The following OR2Z1 variants were observed in gnomAD, a reference collection of about 807,000 sequenced individuals.
The protein encoded by OR2Z1 is olfactory receptor 2Z1.
For missense variants in OR2Z1, 449 were observed against 401.8 expected (o/e 1.12, Z -1.00); for synonymous variants, 188 against 160.6 (o/e 1.17, Z -1.29).
chr19:8,725,363 C>T (rs1447162657), intron 2 of OR2Z1, among the ~76,000 whole-genome samples: 2 of 152,192 alleles, frequency 1.3e-5, no homozygotes, highest in Non-Finnish European at 2.9e-5. Context: ...CTGCCTCAGC[C>T]TTCTGAGTAG....
intron 2 of OR2Z1, among the ~76,000 whole-genome samples, chr19:8,723,771 G>A (rs2043315964): frequency 6.6e-6 from 1 of 152,154 alleles, no homozygotes; most frequent in African/African-American, 2.4e-5. Flanking sequence ...GTCCTGCAGA[G>A]TTGTTGGTGC....
At chr19:8,728,947 T>C in intron 2 of OR2Z1, 2 of 678,708 alleles carry the variant, frequency 2.9e-6, no homozygotes, top group Non-Finnish European at 5.4e-6. Context: ...ATCTTCTTGA[T>C]GGTGGACTCA....
chr19:8,723,449 C>T (rs926202159), intron 2 of OR2Z1, among the ~76,000 whole-genome samples: 10 of 152,132 alleles, frequency 6.6e-5, no homozygotes, highest in African/African-American at 2.4e-4. Context: ...GCTCATCAGA[C>T]TATGCTGAAA....
intron 2 of OR2Z1, chr19:8,729,089 T>C: frequency 9.0e-7 from 1 of 1,110,190 alleles, no homozygotes; most frequent in Non-Finnish European, 1.3e-6. Context: ...ACATGTGGGA[T>C]CTTTTTTTTA....
intron 1 of OR2Z1, among the ~76,000 whole-genome samples, chr19:8,722,808 C>T (rs1275293369): frequency 6.6e-6 from 1 of 152,012 alleles, no homozygotes; most frequent in Non-Finnish European, 1.5e-5. Flanking sequence ...ATTAAGGGAC[C>T]AGCCTGGGAA....
intron 2 of OR2Z1, among the ~76,000 whole-genome samples, chr19:8,725,308 T>C (rs1333911800): frequency 2.0e-5 from 3 of 152,206 alleles, no homozygotes; most frequent in Non-Finnish European, 4.4e-5. Flanking sequence ...AGTGGAATGA[T>C]CTCGGCTCAC....
chr19:8,722,296 T>C (rs1391906763), intron 1 of OR2Z1, among the ~76,000 whole-genome samples: 3 of 151,536 alleles, frequency 2.0e-5, no homozygotes, highest in African/African-American at 4.8e-5. Context: ...ATTTAATAAA[T>C]AATATAAGTG....
Position 8,731,806 on chromosome 19 carries a change from A to T in OR2Z1, c.778A>T (p.Met260Leu), listed in dbSNP as rs61746161. 6.2e-7 allele frequency: 1 copy of T among 1,614,034 alleles called. No individual in the cohort carries two copies. The highest frequency in any genetic ancestry group is 8.5e-7 in the Non-Finnish European group (1 of 1,180,040). ...LFYGAAVFMY[M>L]VPCAYHSPQQ... is the part of the protein sequence containing the mutation. ...TTATGGTGCCGCCGTGTTCATGTAC[A>T]TGGTGCCTTGCGCCTACCACAGTCC... The change falls in exon 3 of 3, where the codon ATG becomes TTG. Residue 260 changes from methionine (M) to leucine (L), a missense_variant. Coordinates refer to ENST00000641125, the MANE Select transcript of OR2Z1 (RefSeq NM_001004699.3).
rs782787127 is a variant in OR2Z1, at chr19:8,730,998, C to T, written c.-31C>T. 6.4e-7 allele frequency: 1 copy of T among 1,570,330 alleles called. No individual in the cohort carries two copies. Among genetic ancestry groups the T allele is most frequent in the East Asian group, 2.2e-5 (1 of 44,588 alleles). On this transcript the variant is annotated 5_prime_UTR_variant, in exon 3 of 3. Coordinates refer to ENST00000641125, the MANE Select transcript of OR2Z1 (RefSeq NM_001004699.3). ...GGCTTCTTGCCATAGTTCAGCTGTTCTTCCTGCAGCTAAAGTGCATTGTGT... is the reference window on the plus strand; with the variant it reads ...GGCTTCTTGCCATAGTTCAGCTGTTTTTCCTGCAGCTAAAGTGCATTGTGT...
rs782315211 is a variant in OR2Z1 at position 8,731,898 on chromosome 19, C to G, written c.870C>G (p.Tyr290Ter). 5.0e-6 allele frequency: 8 copies of G among 1,614,240 alleles called. No homozygotes were observed. The highest frequency in any genetic ancestry group is 6.8e-6 in the Non-Finnish European group (8 of 1,180,044). Reference protein sequence around the residue: ...LVTPTLNPLIYSLRNPEVWMA... With the variant: ...LVTPTLNPLI Reference sequence around the variant, plus strand: ...CCCCTACACTCAACCCCCTTATCTACAGTCTGAGGAATCCGGAGGTGTGGA... The same window carrying G: ...CCCCTACACTCAACCCCCTTATCTAGAGTCTGAGGAATCCGGAGGTGTGGA... Residue 290 changes from tyrosine (Y) to a stop codon, truncating the protein, a stop_gained, in exon 3 of 3, where the codon TAC becomes TAG. Transcript: ENST00000641125. LOFTEE classifies it low-confidence loss of function (END_TRUNC).
At position 8,730,937 on chromosome 19, in the gene OR2Z1, G is replaced by A. The variant is rs1356119936; in HGVS notation, c.-92G>A. ...AAGCCACTACCAATCAATGATGATT[G>A]GCATGTGAGATGAAAATTATTTGCC... On this transcript the variant is annotated 5_prime_UTR_variant, in exon 3 of 3. Coordinates refer to ENST00000641125, the MANE Select transcript of OR2Z1 (RefSeq NM_001004699.3). 2.1e-6 allele frequency: 2 copies of A among 930,432 alleles called. No homozygotes were observed. Among genetic ancestry groups the A allele is most frequent in the African/African-American group, 3.3e-5 (2 of 60,682 alleles). The allele number at this position is 930,432 out of a possible 1,614,324, so 57.6% of individuals were successfully genotyped here. A position where few individuals can be genotyped will look rare whatever the true frequency, so the allele number is the denominator to read the frequency against.
At chr19:8,723,701 T>C (rs2043315708) in intron 2 of OR2Z1, among the ~76,000 whole-genome samples, 1 of 151,964 alleles carries the variant, frequency 6.6e-6, no homozygotes, top group Non-Finnish European at 1.5e-5. Context: ...GACACTGTTC[T>C]AGACCCAAAT....
In OR2Z1 at chr19:8,731,678, C is replaced by A. The variant is rs140873536; in HGVS notation, c.650C>A (p.Ser217Tyr). The A allele has an allele frequency of 1.9e-6, 3 of 1,614,110 alleles. No homozygotes were observed. Among genetic ancestry groups the A allele is most frequent in the African/African-American group, 2.7e-5 (2 of 74,932 alleles). Residue 217 changes from serine (S) to tyrosine (Y), a missense_variant, in exon 3 of 3, where the codon TCC becomes TAC. Coordinates refer to ENST00000641125, the MANE Select transcript of OR2Z1 (RefSeq NM_001004699.3). ...LMLPLSLIAT[S>Y]YGHVLQAVLS... ...CTCCCTCTTTCCCTCATCGCCACCT[C>A]CTACGGCCACGTGTTGCAGGCTGTT...
intron 2 of OR2Z1, among the ~76,000 whole-genome samples, chr19:8,724,938 A>G (rs1294945834): frequency 2.6e-5 from 4 of 152,082 alleles, no homozygotes; most frequent in Non-Finnish European, 4.4e-5. Flanking sequence ...CCACCAGTCC[A>G]TAGAGTCCAG....
At chr19:8,730,019 T>C (rs2043344983) in intron 2 of OR2Z1, among the ~76,000 whole-genome samples, 1 of 152,136 alleles carries the variant, frequency 6.6e-6, no homozygotes, top group Non-Finnish European at 1.5e-5. Context: ...AATTGTATTC[T>C]TTTTTATGGC....
chr19:8,729,985 A>T (rs1379394383), intron 2 of OR2Z1, among the ~76,000 whole-genome samples: 1 of 152,124 alleles, frequency 6.6e-6, no homozygotes, highest in South Asian at 2.1e-4. Flanking sequence ...CTAGGATTAC[A>T]GGCATGAGCC....
Position 8,731,920 on chromosome 19 carries a change from T to C in OR2Z1, c.892T>C (p.Trp298Arg). 6.2e-7 allele frequency: 1 copy of C among 1,614,150 alleles called. No homozygotes were observed. The highest frequency in any genetic ancestry group is 8.5e-7 in the Non-Finnish European group (1 of 1,180,026). ...CTACAGTCTGAGGAATCCGGAGGTG[T>C]GGATGGCTTTGGTCAAAGTGCTTAG... ...LIYSLRNPEV[W>R]MALVKVLSRA... The change falls in exon 3 of 3, where the codon TGG becomes CGG. Residue 298 changes from tryptophan to arginine, a missense_variant. Transcript: ENST00000641125.
chr19:8,729,568 G>A (rs941199840), intron 2 of OR2Z1, among the ~76,000 whole-genome samples: 3 of 151,344 alleles, frequency 2.0e-5, no homozygotes, highest in African/African-American at 7.3e-5. Context: ...TCACCACCAA[G>A]TCGAACTTTA....
At chr19:8,727,864 C>T (rs1309190536) in intron 2 of OR2Z1, among the ~76,000 whole-genome samples, 5 of 152,226 alleles carry the variant, frequency 3.3e-5, no homozygotes, top group African/African-American at 1.2e-4. Context: ...AAGACTCTGT[C>T]TCAACCAAAA....
Sources: allele counts gnomAD v4.1 joint callset (sites outside exome capture counted in the v4.1 genomes callset), GRCh38; gene constraint gnomAD v4.1.1; transcripts MANE v1.5; gene names NCBI Gene and HGNC (gene_info 2026-07-23, HGNC 2026-07-21).